Variants in TBC1D9B observed in about 807,000 individuals in gnomAD.
The protein encoded by TBC1D9B is TBC1 domain family member 9B.
TBC1D9B carries 87 observed loss-of-function variants against 121.1 expected under a neutral mutation model. The ratio of observed to expected loss-of-function variants is 0.72; its 90% CI spans 0.60 to 0.86. TBC1D9B has a LOEUF of 0.86. Ranked by LOEUF, TBC1D9B falls within the 40% of genes least tolerant of loss-of-function variation. The probability of loss-of-function intolerance (pLI) is 0.00; values close to 1 mark genes in which losing one functional copy is unlikely to be tolerated. For missense variants in TBC1D9B, 1,540 were observed against 1,628.6 expected (o/e 0.95, Z 0.94); for synonymous variants, 668 against 670.1 (o/e 1.00, Z 0.05).
intron 2 of TBC1D9B, among the ~76,000 whole-genome samples, chr5:179,903,067 T>C (rs542308612): frequency 6.6e-5 from 10 of 152,160 alleles, no homozygotes; most frequent in African/African-American, 1.2e-4. Context: ...AGCCGTGAGG[T>C]TGACAAACTT....
Position 179,904,759 on chromosome 5 carries a change from G to T in TBC1D9B, c.172C>A (p.Pro58Thr). The T allele has an allele frequency of 6.3e-7, 1 of 1,579,104 alleles. No individual in the cohort carries two copies. The highest frequency in any genetic ancestry group is 8.6e-7 in the Non-Finnish European group (1 of 1,162,720). Residue 58 changes from proline (P) to threonine (T), a missense_variant, in exon 2 of 21, where the codon CCT becomes ACT. By Grantham distance (38) the Pro-to-Thr change is conservative (BLOSUM62 -1). Transcript: ENST00000355235. This position sits in a 1 kb window ranked among gnomAD's most constrained non-coding sequence, Gnocchi z 4.2. ...TGGGTCTGGTGCAGGATGCGGTAAG[G>T]GGCCACGCGGGCACTGGAGTCCAGC... Reference protein sequence around the residue: ...VVLDSSARVAPYRILHQTQDS... With the variant: ...VVLDSSARVATYRILHQTQDS...
In TBC1D9B at chr5:179,863,881, G is replaced by A. The variant is rs368237049; in HGVS notation, c.3269C>T (p.Pro1090Leu). ...RELQPPAAGD[P>L]QAKAGGDTHL... Reference sequence around the variant, plus strand: ...TGTGTCTCCGCCTGCTTTGGCTTGGGGGTCTCCTGCAGCTGGGGGCTGAAG... The same window carrying A: ...TGTGTCTCCGCCTGCTTTGGCTTGGAGGTCTCCTGCAGCTGGGGGCTGAAG... The change falls in exon 21 of 21, where the codon CCC (proline) becomes CTC (leucine). Residue 1090 changes from proline (P) to leucine (L), a missense_variant. Pro to Leu is a moderately conservative substitution (Grantham distance 98). Transcript: ENST00000355235. This position sits in a 1 kb window ranked among gnomAD's most constrained non-coding sequence, Gnocchi z 4.5. 6.2e-7 allele frequency: 1 copy of A among 1,613,118 alleles called. No homozygotes were observed. The highest frequency in any genetic ancestry group is 1.3e-5 in the African/African-American group (1 of 75,034).
chr5:179,904,793 C>T lies in TBC1D9B; in HGVS notation c.138G>A (p.Leu46=), dbSNP rs1761268460. The change falls in exon 2 of 21, where the codon CTG becomes CTA. Residue 46 remains leucine, a synonymous_variant. Coordinates refer to ENST00000355235, the MANE Select transcript of TBC1D9B (RefSeq NM_015043.4). The surrounding 1 kb of genome is among the most constrained non-coding windows in gnomAD (Gnocchi z 4.2). ...GGGCACTGGAGTCCAGCACCACGTC[C>T]AGGGTGCCCACGAGAAGACCTGGGA... ...GGLTGLLVGT[L]DVVLDSSARV... is the part of the protein sequence containing the mutation. 4 of 1,566,328 alleles carry T rather than the reference C, an allele frequency of 2.6e-6. No homozygotes were observed. Among genetic ancestry groups the T allele is most frequent in the East Asian group, 2.3e-5 (1 of 42,560 alleles).
Position 179,870,443 on chromosome 5 carries a change from C to G in TBC1D9B, c.2537G>C (p.Arg846Pro). The G allele has an allele frequency of 6.2e-7, 1 of 1,613,088 alleles. No individual in the cohort carries two copies. Among genetic ancestry groups the G allele is most frequent in the South Asian group, 1.1e-5 (1 of 91,080 alleles). ...CAGGTAGGGCAGGCTGGGGTCCCGA[C>G]GGCCGGCCATTGTGCGGCTGCACCC... is the stretch of plus-strand genomic sequence containing the variant. The part of the protein sequence containing the change: ...YWGCSRTMAG[R>P]RDPSLPYLEQ... The change falls in exon 16 of 21, where the codon CGT becomes CCT. Residue 846 changes from arginine to proline, a missense_variant. Arg to Pro is a moderately radical substitution (Grantham distance 103, BLOSUM62 -2). Coordinates refer to ENST00000355235, the MANE Select transcript of TBC1D9B (RefSeq NM_015043.4).
chr5:179,868,652 C>T (rs530409261), intron 17 of TBC1D9B: 20 of 152,388 alleles, frequency 1.3e-4, no homozygotes, highest in African/African-American at 4.6e-4. Flanking sequence ...GCTGCTCTCC[C>T]TTTGGGTAGC....
In TBC1D9B at chr5:179,870,485, A is replaced by T; in HGVS notation, c.2495T>A (p.Leu832Gln). ...GCTGCACCCCCAGTACTGGCTAGCC[A>T]GGTGCTTGGCCTGTGGGACACGGTC... ...DLYMVFKAKH[L>Q]ASQYWGCSRT... Residue 832 changes from leucine to glutamine, a missense_variant, in exon 16 of 21, where the codon CTG (leucine) becomes CAG (glutamine). Leu to Gln is a moderately radical substitution (Grantham distance 113). Transcript: ENST00000355235. The T allele has an allele frequency of 6.2e-7, 1 of 1,609,118 alleles. No individual in the cohort carries two copies. Among genetic ancestry groups the T allele is most frequent in the Non-Finnish European group, 8.5e-7 (1 of 1,179,524 alleles).
chr5:179,873,744 A>T (rs950697980), intron 12 of TBC1D9B, among the ~76,000 whole-genome samples: 5 of 152,150 alleles, frequency 3.3e-5, no homozygotes, highest in Non-Finnish European at 7.4e-5. Context: ...TACCTCTGTC[A>T]GCTGACCTAG....
intron 3 of TBC1D9B, among the ~76,000 whole-genome samples, chr5:179,895,806 T>C (rs1761001617): frequency 6.6e-6 from 1 of 152,200 alleles, no homozygotes; most frequent in African/African-American, 2.4e-5. Context: ...GTGGGATCTG[T>C]TCTGATTTCT....
Position 179,894,408 on chromosome 5 carries a change from G to A in TBC1D9B, c.555C>T (p.Tyr185=), listed in dbSNP as rs760881438. The A allele has an allele frequency of 1.2e-6, 2 of 1,613,726 alleles. No individual in the cohort carries two copies. The highest frequency in any genetic ancestry group is 2.2e-5 in the South Asian group (2 of 91,008). The part of the protein sequence containing the change: ...LYLTVNHLCF[Y]SFLLGKEVSL... Reference sequence around the variant, plus strand: ...CACCTTCCTTCCCCAGCAGGAAGGAGTAGAAGCACAGGTGGTTGACCGTCA... The same window carrying A: ...CACCTTCCTTCCCCAGCAGGAAGGAATAGAAGCACAGGTGGTTGACCGTCA... Residue 185 remains tyrosine, a synonymous_variant, in exon 4 of 21, where the codon TAC becomes TAT. Transcript: ENST00000355235.
chr5:179,884,115 T>C (rs1760611449), intron 7 of TBC1D9B, among the ~76,000 whole-genome samples: 2 of 152,210 alleles, frequency 1.3e-5, no homozygotes, highest in Non-Finnish European at 2.9e-5. Flanking sequence ...CTCAGCCGTA[T>C]AATACGTCAG....
chr5:179,887,156 T>C (rs762600267), intron 7 of TBC1D9B, among the ~76,000 whole-genome samples: 5 of 152,250 alleles, frequency 3.3e-5, no homozygotes, highest in Non-Finnish European at 7.3e-5. Context: ...GCTTCCCTCT[T>C]TGGGAGAATT....
Position 179,896,666 on chromosome 5 carries a change from G to A in TBC1D9B, c.349-2052C>T, listed in dbSNP as rs185948834. On this transcript the variant is annotated intron_variant, in intron 3 of 20. Transcript: ENST00000355235. ...GCCTCCCAAATAGGTGGGATTACAGGTGCGCGACACCATGCCCAGCTAATT... is the reference window on the plus strand; with the variant it reads ...GCCTCCCAAATAGGTGGGATTACAGATGCGCGACACCATGCCCAGCTAATT... Among the ~76,000 whole-genome samples the A allele has an allele frequency of 3.9e-3, 599 of 152,040 alleles. 7 individuals carry two copies. The highest frequency in any genetic ancestry group is 3.0e-3 in the Non-Finnish European group (206 of 67,998).
intron 14 of TBC1D9B, 163 bp downstream of exon 14, chr5:179,872,729 A>AC: frequency 6.1e-6 from 4 of 656,454 alleles, no homozygotes; most frequent in Non-Finnish European, 1.0e-5. Flanking sequence ...CCACATTCCC[A>AC]CCTACACCCC....
chr5:179,888,427 G>A, intron 6 of TBC1D9B, 115 bp from the exon 7 acceptor site: 1 of 1,054,974 alleles, frequency 9.5e-7, no homozygotes. Context: ...AATGCAGTGA[G>A]TGGCCCAACT....
At position 179,875,169 on chromosome 5, in the gene TBC1D9B, C is replaced by G; in HGVS notation, c.1919G>C (p.Gly640Ala). Residue 640 changes from glycine to alanine, a missense_variant, in exon 12 of 21, where the codon GGC becomes GCC. Transcript: ENST00000355235. The surrounding 1 kb of genome is among the most constrained non-coding windows in gnomAD (Gnocchi z 4.5). ...TRVVGALVDQ[G>A]IFEELTRDFL... is the part of the protein sequence containing the mutation. ...GTCTCTCGTGAGCTCTTCGAAGATG[C>G]CTTGGTCCACCAGGGCTCCTGCGGG... The G allele has an allele frequency of 6.2e-7, 1 of 1,613,358 alleles. No homozygotes were observed.
At position 179,862,385 on chromosome 5, in the gene TBC1D9B, C is replaced by G; in HGVS notation, c.*1063G>C. The G allele has an allele frequency of 2.8e-6, 1 of 351,768 alleles. No individual in the cohort carries two copies. The highest frequency in any genetic ancestry group is 5.9e-6 in the Non-Finnish European group (1 of 169,362). The allele number at this position is 351,768 out of a possible 1,614,324, so 21.8% of individuals were successfully genotyped here. Reference sequence around the variant, plus strand: ...ATCCTTGTGGCTCCAGCCCTGGGGCCCCCTGCGGTCACCTTTGGCTCCACA... The same window carrying G: ...ATCCTTGTGGCTCCAGCCCTGGGGCGCCCTGCGGTCACCTTTGGCTCCACA... On this transcript the variant is annotated 3_prime_UTR_variant, in exon 21 of 21. Coordinates refer to ENST00000355235, the MANE Select transcript of TBC1D9B (RefSeq NM_015043.4).
intron 7 of TBC1D9B, among the ~76,000 whole-genome samples, chr5:179,881,395 G>A (rs913888936): frequency 6.6e-6 from 1 of 151,970 alleles, no homozygotes; most frequent in East Asian, 1.9e-4. Context: ...CCTCCTGCCC[G>A]CCCACCTGCC....
chr5:179,871,551 G>T, intron 14 of TBC1D9B, 21 bp from the exon 15 acceptor site: 2 of 1,610,594 alleles, frequency 1.2e-6, no homozygotes, highest in South Asian at 2.2e-5. Flanking sequence ...GGAGAAACAG[G>T]GTATATAGCT....
rs1331415083 is a variant in TBC1D9B at position 179,875,716 on chromosome 5, A to G, written c.1900+204T>C. On this transcript the variant is annotated intron_variant, in intron 11 of 20. Coordinates refer to ENST00000355235, the MANE Select transcript of TBC1D9B (RefSeq NM_015043.4). The surrounding 1 kb of genome is among the most constrained non-coding windows in gnomAD (Gnocchi z 4.5). ...CTAGTTTTGATGTTTGAAATTTTCC[A>G]TAATCAAAAAGTTGACAGGAAGTTA... Among the ~76,000 whole-genome samples, 3 of 152,232 alleles carry G rather than the reference A, an allele frequency of 2.0e-5. No individual in the cohort carries two copies. The highest frequency in any genetic ancestry group is 4.8e-5 in the African/African-American group (2 of 41,462).
Sources: gnomAD v4.1 joint callset for allele counts (sites outside exome capture counted in the v4.1 genomes callset) on GRCh38, gnomAD v4.1.1 for gene constraint, Gnocchi (gnomAD v3.1) non-coding constraint, MANE v1.5 for transcripts, NCBI Gene and HGNC (gene_info 2026-07-23, HGNC 2026-07-21) for gene names.